GRIP1: variants seen among roughly 807,000 people sequenced by gnomAD.
The protein encoded by GRIP1 is glutamate receptor-interacting protein 1.
Under a neutral mutation model 129.9 loss-of-function variants are expected in GRIP1, and 45 were observed. The ratio of observed to expected loss-of-function variants is 0.35; its 90% CI spans 0.27 to 0.44. GRIP1 has a LOEUF of 0.44. GRIP1 is among the 20% of genes least tolerant of loss of function. The pLI, the probability that GRIP1 is intolerant of heterozygous loss-of-function variation, is 1.00. For synonymous variants in GRIP1, 530 were observed against 520.8 expected, an observed-to-expected ratio of 1.02 and a Z score of -0.24; for missense variants, 1,196 against 1,396.8, an observed-to-expected ratio of 0.86 and a Z score of 2.29.
intron 1 of GRIP1, among the ~76,000 whole-genome samples, chr12:67,052,022 T>C (rs1466019721): frequency 6.6e-6 from 1 of 152,122 alleles, no homozygotes; most frequent in Non-Finnish European, 1.5e-5. Flanking sequence ...CTGAACCACA[T>C]ATCAGTAACA....
At chr12:66,678,496 G>A (rs769077191) in intron 1 of GRIP1, among the ~76,000 whole-genome samples, 3 of 152,070 alleles carry the variant, frequency 2.0e-5, no homozygotes, top group Non-Finnish European at 2.9e-5. Context: ...AGAAAGGACA[G>A]TAACACACAC....
At chr12:66,982,339 C>T (rs772945954) in intron 1 of GRIP1, among the ~76,000 whole-genome samples, 6 of 152,290 alleles carry the variant, frequency 3.9e-5, no homozygotes, top group East Asian at 1.9e-4. Context: ...TAGGATGGCT[C>T]TTAATGTTCC....
intron 2 of GRIP1, among the ~76,000 whole-genome samples, chr12:66,581,518 A>G (rs912282005): frequency 2.1e-5 from 3 of 144,308 alleles, no homozygotes; most frequent in Admixed American, 1.4e-4. Context: ...CAAGACTAAT[A>G]AAGAAAAAAA....
chr12:66,654,857 T>A (rs1023811015), intron 1 of GRIP1, among the ~76,000 whole-genome samples: 16 of 152,176 alleles, frequency 1.1e-4, no homozygotes, highest in African/African-American at 3.6e-4. Flanking sequence ...AAAATTTAAA[T>A]ATTGTAAGTC....
chr12:66,855,059 T>C (rs2039980158), intron 1 of GRIP1, among the ~76,000 whole-genome samples: 1 of 151,984 alleles, frequency 6.6e-6, no homozygotes, highest in African/African-American at 2.4e-5. Context: ...ATTTATTTAT[T>C]GGCGTGTGTG....
chr12:66,921,911 G>A (rs2041219963), intron 1 of GRIP1, among the ~76,000 whole-genome samples: 1 of 152,126 alleles, frequency 6.6e-6, no homozygotes, highest in Non-Finnish European at 1.5e-5. Flanking sequence ...CTAAAAAGTA[G>A]CTACAGAGGC....
chr12:66,608,971 AT>A (rs918311279), intron 1 of GRIP1, among the ~76,000 whole-genome samples: 1 of 139,412 alleles, frequency 7.2e-6, no homozygotes. Context: ...TTATATATAT[AT>A]TTTTTTACAG....
intron 1 of GRIP1, among the ~76,000 whole-genome samples, chr12:66,613,611 A>G (rs972044533): frequency 1.3e-5 from 2 of 152,174 alleles, no homozygotes; most frequent in Non-Finnish European, 2.9e-5. Context: ...ACTATGAAAA[A>G]AAAGAACTTT....
Position 67,037,821 on chromosome 12 carries a change from A to G in GRIP1, c.58+31229T>C, listed in dbSNP as rs144436170. Among the ~76,000 whole-genome samples, 514 of 152,356 alleles carry G rather than the reference A, an allele frequency of 3.4e-3. 3 individuals carry two copies. The highest frequency in any genetic ancestry group is 0.012 in the African/African-American group (487 of 41,586). ...ATTATATTTAGTCTGTCAGTGGGAC[A>G]TTAACCTAGACTACAGTGTGTTTGG... On this transcript the variant is annotated intron_variant, in intron 1 of 1. Transcript: ENST00000643019.
At chr12:66,396,200 A>T (rs2056781720) in intron 16 of GRIP1, among the ~76,000 whole-genome samples, 1 of 152,166 alleles carries the variant, frequency 6.6e-6, no homozygotes, top group African/African-American at 2.4e-5. Context: ...TTGACCCCTT[A>T]TTGCTCTCTG....
intron 1 of GRIP1, among the ~76,000 whole-genome samples, chr12:66,664,040 T>G (rs998686743): frequency 1.3e-5 from 2 of 152,222 alleles, no homozygotes; most frequent in African/African-American, 4.8e-5. Flanking sequence ...GGATTTATTT[T>G]CTATCAAACT....
intron 7 of GRIP1, among the ~76,000 whole-genome samples, chr12:66,501,371 T>C (rs1461133664): frequency 6.6e-6 from 1 of 152,218 alleles, no homozygotes; most frequent in African/African-American, 2.4e-5. Flanking sequence ...TGTAGTCTTG[T>C]TTCTTTTGAA....
At chr12:66,983,236 TCTAA>T (rs1354266032) in intron 1 of GRIP1, among the ~76,000 whole-genome samples, 3 of 152,158 alleles carry the variant, frequency 2.0e-5, no homozygotes, top group African/African-American at 7.2e-5. Flanking sequence ...CAAGTGGAAT[TCTAA>T]CTAATTTACT....
chr12:66,916,661 A>C (rs2041127967), intron 1 of GRIP1, among the ~76,000 whole-genome samples: 1 of 152,238 alleles, frequency 6.6e-6, no homozygotes, highest in Non-Finnish European at 1.5e-5. Flanking sequence ...GGGGGGTTAA[A>C]AAAACGATTA....
At chr12:66,683,148 C>A (rs1010608519), upstream of GRIP1, among the ~76,000 whole-genome samples, 1 of 151,798 alleles carries the variant, frequency 6.6e-6, no homozygotes, top group Non-Finnish European at 1.5e-5. Context: ...TCTTAAAATG[C>A]GACTCTCACC....
chr12:66,669,625 C>A (rs1195522643), intron 1 of GRIP1, among the ~76,000 whole-genome samples: 1 of 152,168 alleles, frequency 6.6e-6, no homozygotes, highest in Non-Finnish European at 1.5e-5. Flanking sequence ...ATACACAGAG[C>A]AGGAGTACCT....
At chr12:66,641,476 A>G (rs2031921715) in intron 1 of GRIP1, among the ~76,000 whole-genome samples, 1 of 152,222 alleles carries the variant, frequency 6.6e-6, no homozygotes, top group Non-Finnish European at 1.5e-5. Flanking sequence ...CTAAACTTTC[A>G]GAGATAAAAG....
intron 4 of GRIP1, among the ~76,000 whole-genome samples, chr12:66,531,302 T>TATATATATATAC (rs1565833961): frequency 1.0e-5 from 1 of 98,214 alleles, no homozygotes. Context: ...TATATATATA[T>TATATATATATAC]ACACACACAC....
At chr12:67,068,862 C>CAT (rs1314366076) in intron 1 of GRIP1, among the ~76,000 whole-genome samples, 1 of 71,988 alleles carries the variant, frequency 1.4e-5, no homozygotes, top group Non-Finnish European at 3.0e-5. Context: ...CGCCCCCCCC[C>CAT]CCCCCCGCAA....
Sources: gnomAD v4.1 joint callset for allele counts (sites outside exome capture counted in the v4.1 genomes callset) on GRCh38, gnomAD v4.1.1 for gene constraint, MANE v1.5 for transcripts, NCBI Gene and HGNC (gene_info 2026-07-23, HGNC 2026-07-21) for gene names.